Variants in TSC22D4 observed in about 807,000 individuals in gnomAD.
TSC22D4 encodes TSC22 domain family member 4.
TSC22D4 carries 5 observed loss-of-function variants against 24.9 expected under a neutral mutation model. That is an observed-to-expected ratio of 0.20 (90% confidence interval 0.10 to 0.42). The LOEUF is 0.42. TSC22D4 is among the 10% of genes least tolerant of loss of function. The pLI is 1.00. For synonymous variants in TSC22D4, 245 were observed against 243.2 expected, an observed-to-expected ratio of 1.01 and a Z score of -0.07; for missense variants, 469 against 547.9, an observed-to-expected ratio of 0.86 and a Z score of 1.44.
chr7:100,468,832 G>A (rs548152552), intron 3 of TSC22D4, among the ~76,000 whole-genome samples: 2 of 152,242 alleles, frequency 1.3e-5, no homozygotes, highest in Admixed American at 1.3e-4. Context: ...AGCTACTCAG[G>A]AGGCTGAGGC....
chr7:100,467,183 A>C lies in TSC22D4; in HGVS notation c.979-15T>G. Reference sequence around the variant, plus strand: ...TTCACCAAGTCCTGGGGGCCCCGGGACAGGCACAGCGTCAACGGGGTGGGT... The same window carrying C: ...TTCACCAAGTCCTGGGGGCCCCGGGCCAGGCACAGCGTCAACGGGGTGGGT... On this transcript the variant is annotated splice_polypyrimidine_tract_variant and intron_variant, in intron 4 of 4. Transcript: ENST00000300181. 1 of 1,613,856 alleles carries C rather than the reference A, an allele frequency of 6.2e-7. No individual in the cohort carries two copies. The highest frequency in any genetic ancestry group is 8.5e-7 in the Non-Finnish European group (1 of 1,179,894).
chr7:100,478,227 A>T lies in TSC22D4; in HGVS notation c.-189T>A. 7.7e-4 allele frequency: 25 copies of T among 32,500 alleles called. No homozygotes were observed. Among genetic ancestry groups the T allele is most frequent in the Non-Finnish European group, 1.0e-3 (18 of 17,592 alleles). The allele number at this position is 32,500 out of a possible 1,614,324, so 2.0% of individuals were successfully genotyped here. A position where few individuals can be genotyped will look rare whatever the true frequency, so the allele number is the denominator to read the frequency against. On this transcript the variant is annotated 5_prime_UTR_variant, in exon 2 of 5. Coordinates refer to ENST00000300181, the MANE Select transcript of TSC22D4 (RefSeq NM_030935.5). ...CTGCTGGGTGAGGGGAGAAGAGGAGAGGGGAGGTGGCGGGAGGGGGGAGCA... is the reference window on the plus strand; with the variant it reads ...CTGCTGGGTGAGGGGAGAAGAGGAGTGGGGAGGTGGCGGGAGGGGGGAGCA...
Position 100,474,082 on chromosome 7 carries a change from C to G in TSC22D4, c.929+192G>C. ...CTGAGCCAGGGAGTCCCACCCAGCCCTCTCCACAGAGAGGGAGTGGGTCCG... is the reference window on the plus strand; with the variant it reads ...CTGAGCCAGGGAGTCCCACCCAGCCGTCTCCACAGAGAGGGAGTGGGTCCG... On this transcript the variant is annotated intron_variant, in intron 3 of 4. Transcript: ENST00000300181. The surrounding 1 kb of genome is among the most constrained non-coding windows in gnomAD (Gnocchi z 4.3). 1 of 661,388 alleles carries G rather than the reference C, an allele frequency of 1.5e-6. No homozygotes were observed. Among genetic ancestry groups the G allele is most frequent in the South Asian group, 2.0e-5 (1 of 50,982 alleles). The allele number at this position is 661,388 out of a possible 1,614,324, so 41.0% of individuals were successfully genotyped here.
At chr7:100,467,445 G>A (rs371592975) in intron 4 of TSC22D4, 107 bp downstream of exon 4, 44 of 1,238,982 alleles carry the variant, frequency 3.6e-5, no homozygotes, top group African/African-American at 2.1e-4. Context: ...GGAGAGGGAC[G>A]GAGGAGCTGG....
intron 2 of TSC22D4, among the ~76,000 whole-genome samples, chr7:100,476,251 G>C (rs1799494167): frequency 1.3e-5 from 2 of 149,504 alleles, no homozygotes; most frequent in South Asian, 4.3e-4. Flanking sequence ...GGGGGTAGGA[G>C]GGGGCATCAC....
Position 100,477,256 on chromosome 7 carries a change from G to A in TSC22D4, c.762+21C>T. On this transcript the variant is annotated intron_variant, in intron 2 of 4. Transcript: ENST00000300181. This position sits in a 1 kb window ranked among gnomAD's most constrained non-coding sequence, Gnocchi z 7.8. ...AGGTTAGGCCAGGGCTGATGGGCCA[G>A]CCCTAGAACCCAGGTCTTACCTGCC... is the stretch of plus-strand genomic sequence containing the variant. 6.8e-7 allele frequency: 1 copy of A among 1,480,888 alleles called. No individual in the cohort carries two copies. Among genetic ancestry groups the A allele is most frequent in the African/African-American group, 1.4e-5 (1 of 70,500 alleles). The allele number at this position is 1,480,888 out of a possible 1,614,324, so 91.7% of individuals were successfully genotyped here.
chr7:100,467,948 A>G (rs1799318253), intron 3 of TSC22D4: 1 of 522,668 alleles, frequency 1.9e-6, no homozygotes, highest in Non-Finnish European at 3.8e-6. Context: ...GCCATGCCCA[A>G]GGGGAAAGGG....
At position 100,466,713 on chromosome 7, in the gene TSC22D4, A is replaced by G. The variant is rs1355416521; in HGVS notation, c.*246T>C. On this transcript the variant is annotated 3_prime_UTR_variant, in exon 5 of 5. Coordinates refer to ENST00000300181, the MANE Select transcript of TSC22D4 (RefSeq NM_030935.5). ...CCGTCTACTGCTGGGGGGTCCCAGG[A>G]GGGAGGGTGGGGGTTGGTTCCCTCC... 2 of 532,856 alleles carry G rather than the reference A, an allele frequency of 3.8e-6. No individual in the cohort carries two copies. The highest frequency in any genetic ancestry group is 2.7e-5 in the South Asian group (1 of 36,810). 33.0% of individuals were successfully genotyped at this position (532,856 alleles called of 1,614,324 possible).
In TSC22D4 at chr7:100,477,153, G is replaced by T; in HGVS notation, c.762+124C>A. ...AGAGTGACCTGGCAGGCACAGAGAA[G>T]AGGGCTATCTGATCTTATAAAGTGA... On this transcript the variant is annotated intron_variant, in intron 2 of 4. Coordinates refer to ENST00000300181, the MANE Select transcript of TSC22D4 (RefSeq NM_030935.5). This position sits in a 1 kb window ranked among gnomAD's most constrained non-coding sequence, Gnocchi z 7.8. 1 of 840,428 alleles carries T rather than the reference G, an allele frequency of 1.2e-6. No individual in the cohort carries two copies. Among genetic ancestry groups the T allele is most frequent in the Non-Finnish European group, 1.7e-6 (1 of 581,468 alleles). 52.1% of individuals were successfully genotyped at this position (840,428 alleles called of 1,614,324 possible). A position where few individuals can be genotyped will look rare whatever the true frequency, so the allele number is the denominator to read the frequency against.
Position 100,474,563 on chromosome 7 carries a change from G to A in TSC22D4, c.763-123C>T. 8.4e-7 allele frequency: 1 copy of A among 1,186,110 alleles called. No homozygotes were observed. Among genetic ancestry groups the A allele is most frequent in the East Asian group, 2.6e-5 (1 of 38,756 alleles). 73.5% of individuals were successfully genotyped at this position (1,186,110 alleles called of 1,614,324 possible). On this transcript the variant is annotated intron_variant, in intron 2 of 4. Coordinates refer to ENST00000300181, the MANE Select transcript of TSC22D4 (RefSeq NM_030935.5). The surrounding 1 kb of genome is among the most constrained non-coding windows in gnomAD (Gnocchi z 4.3). ...CCCACTCTCTTTCGAGGACCCAGGA[G>A]TCCTGTCCCCGCAGTCCTTCCCTCC...
At position 100,477,601 on chromosome 7, in the gene TSC22D4, C is replaced by A; in HGVS notation, c.438G>T (p.Gln146His). The change falls in exon 2 of 5, where the codon CAG becomes CAT. Residue 146 changes from glutamine (Q) to histidine (H), a missense_variant. Coordinates refer to ENST00000300181, the MANE Select transcript of TSC22D4 (RefSeq NM_030935.5). This position sits in a 1 kb window ranked among gnomAD's most constrained non-coding sequence, Gnocchi z 7.8. The stretch of plus-strand genomic sequence containing the variant: ...GTGGACGGAGCCAGGAGGTGGGGCC[C>A]TGAGACAGGCCTGACGGTGGGGTGG... ...GAPTPPSGLS[Q>H]GPTSWLRPPP... 1.3e-6 allele frequency: 2 copies of A among 1,596,692 alleles called. No individual in the cohort carries two copies. The highest frequency in any genetic ancestry group is 2.2e-5 in the South Asian group (2 of 89,522).
rs1033312906 is a variant in TSC22D4 at position 100,474,611 on chromosome 7, G to C, written c.763-171C>G. 6.6e-6 allele frequency among the ~76,000 whole-genome samples: 1 copy of C among 152,146 alleles called. No individual in the cohort carries two copies. The highest frequency in any genetic ancestry group is 6.5e-5 in the Admixed American group (1 of 15,276). On this transcript the variant is annotated intron_variant, in intron 2 of 4. Coordinates refer to ENST00000300181, the MANE Select transcript of TSC22D4 (RefSeq NM_030935.5). This position sits in a 1 kb window ranked among gnomAD's most constrained non-coding sequence, Gnocchi z 4.3. ...TCCTCCAGCTCTGGAGAAGGCATTA[G>C]GCAGGTACTAGAAGCAAGAAGTGGG...
At chr7:100,468,527 C>T (rs1487467469) in intron 3 of TSC22D4, among the ~76,000 whole-genome samples, 3 of 152,188 alleles carry the variant, frequency 2.0e-5, no homozygotes, top group Admixed American at 6.5e-5. Context: ...CCACAAGGCT[C>T]ACATCATGGG....
rs1024179486 is a variant in TSC22D4, at chr7:100,474,962, T to C, written c.763-522A>G. On this transcript the variant is annotated intron_variant, in intron 2 of 4. Transcript: ENST00000300181. This position sits in a 1 kb window ranked among gnomAD's most constrained non-coding sequence, Gnocchi z 4.3. The stretch of plus-strand genomic sequence containing the variant: ...GACTACAGGCATGCACCATCATAAC[T>C]GGCTAATTTTTTATTTTTGGTTAAC... 1.3e-5 allele frequency among the ~76,000 whole-genome samples: 2 copies of C among 152,018 alleles called. No individual in the cohort carries two copies. Among genetic ancestry groups the C allele is most frequent in the Non-Finnish European group, 2.9e-5 (2 of 67,998 alleles).
At chr7:100,478,601 G>A (rs1328550386) in intron 1 of TSC22D4, among the ~76,000 whole-genome samples, 193 bp downstream of exon 1, 1 of 152,010 alleles carries the variant, frequency 6.6e-6, no homozygotes, top group African/African-American at 2.4e-5. Context: ...CTGACTCAGG[G>A]GGCCCGTATT....
In TSC22D4 at chr7:100,477,873, C is replaced by A; in HGVS notation, c.166G>T (p.Gly56Cys). Reference protein sequence around the residue: ...GEPSPDPGGKGTPRNGSPPPG... With the variant: ...GEPSPDPGGKCTPRNGSPPPG... ...GGTGGGGAGCCATTCCGGGGGGTGC[C>A]CTTGCCCCCCGGATCGGGGCTGGGC... The change falls in exon 2 of 5, where the codon GGC (glycine) becomes TGC (cysteine). Residue 56 changes from glycine (G) to cysteine (C), a missense_variant. Coordinates refer to ENST00000300181, the MANE Select transcript of TSC22D4 (RefSeq NM_030935.5). The surrounding 1 kb of genome is among the most constrained non-coding windows in gnomAD (Gnocchi z 7.8). 1 of 1,584,164 alleles carries A rather than the reference C, an allele frequency of 6.3e-7. No individual in the cohort carries two copies. Among genetic ancestry groups the A allele is most frequent in the Non-Finnish European group, 8.6e-7 (1 of 1,167,080 alleles).
rs746759043 is a variant in TSC22D4, at chr7:100,477,934, G to T, written c.105C>A (p.Pro35=). 4.4e-5 allele frequency: 69 copies of T among 1,553,888 alleles called. No individual in the cohort carries two copies. In the African/African-American group the frequency reaches 7.1e-4, roughly 16 times the overall value. The part of the protein sequence containing the change: ...PGASDPPTPQ[P]PTGPPPRLPN... Reference sequence around the variant, plus strand: ...GCAGGCGGGGCGGGGGCCCGGTTGGGGGCTGTGGGGTAGGGGGATCCGAAG... The same window carrying T: ...GCAGGCGGGGCGGGGGCCCGGTTGGTGGCTGTGGGGTAGGGGGATCCGAAG... Residue 35 remains proline (P), a synonymous_variant, in exon 2 of 5, where the codon CCC becomes CCA. Coordinates refer to ENST00000300181, the MANE Select transcript of TSC22D4 (RefSeq NM_030935.5). This position sits in a 1 kb window ranked among gnomAD's most constrained non-coding sequence, Gnocchi z 7.8.
chr7:100,467,157 C>T lies in TSC22D4; in HGVS notation c.990G>A (p.Lys330=). ...CCCGGACCGCAAACATGAGGTGGGA[C>T]TTCACCAAGTCCTGGGGGCCCCGGG... ...NKIEQAMDLV[K]SHLMFAVREE... is the part of the protein sequence containing the mutation. The change falls in exon 5 of 5, where the codon AAG becomes AAA. Residue 330 remains lysine (K), a synonymous_variant. Transcript: ENST00000300181. 1 of 1,614,162 alleles carries T rather than the reference C, an allele frequency of 6.2e-7. No homozygotes were observed. Among genetic ancestry groups the T allele is most frequent in the South Asian group, 1.1e-5 (1 of 91,092 alleles).
Position 100,474,557 on chromosome 7 carries a change from C to T in TSC22D4, c.763-117G>A. On this transcript the variant is annotated intron_variant, in intron 2 of 4. Transcript: ENST00000300181. The surrounding 1 kb of genome is among the most constrained non-coding windows in gnomAD (Gnocchi z 4.3). ...CACCTCCCCACTCTCTTTCGAGGAC[C>T]CAGGAGTCCTGTCCCCGCAGTCCTT... 8.0e-7 allele frequency: 1 copy of T among 1,245,620 alleles called. No individual in the cohort carries two copies. Among genetic ancestry groups the T allele is most frequent in the Non-Finnish European group, 1.1e-6 (1 of 897,020 alleles). The allele number at this position is 1,245,620 out of a possible 1,614,324, so 77.2% of individuals were successfully genotyped here.
Sources: gnomAD v4.1 joint callset for allele counts (sites outside exome capture counted in the v4.1 genomes callset) on GRCh38, gnomAD v4.1.1 for gene constraint, Gnocchi (gnomAD v3.1) non-coding constraint, MANE v1.5 for transcripts, NCBI Gene and HGNC (gene_info 2026-07-23, HGNC 2026-07-21) for gene names.